The following PCDHA2 variants were observed in gnomAD, a reference collection of about 807,000 sequenced individuals.
PCDHA2 encodes the protein protocadherin alpha 2, also known as protocadherin alpha-2.
PCDHA2 carries 58 observed loss-of-function variants against 66.0 expected under a neutral mutation model. The ratio of observed to expected loss-of-function variants is 0.88; its 90% CI spans 0.71 to 1.09. The LOEUF is 1.09. PCDHA2 is among the 50% of genes least tolerant of loss of function. The pLI is 0.00. For missense variants in PCDHA2, 1,267 were observed against 1,242.3 expected (o/e 1.02, Z -0.30); for synonymous variants, 634 against 554.0 (o/e 1.14, Z -2.03).
chr5:140,802,942 C>T (rs1187038094), intron 1 of PCDHA2: 16 of 1,613,842 alleles, frequency 9.9e-6, no homozygotes, highest in African/African-American at 1.3e-5. Context: ...GAGCTGGTGC[C>T]GCGGTCAGTG....
intron 1 of PCDHA2, among the ~76,000 whole-genome samples, chr5:140,937,827 G>A (rs1328688983): frequency 2.6e-5 from 4 of 151,564 alleles, no homozygotes; most frequent in Non-Finnish European, 5.9e-5. Context: ...CAGGAGAATG[G>A]CATGAACCTG....
rs782564165 is a variant in PCDHA2, at chr5:141,010,450, G to A, written c.*513G>A. ...AAGAAAACAAAGACAAATAAACAGC[G>A]GAAGTTATCAGTATGGAGGGGAAGT... On this transcript the variant is annotated 3_prime_UTR_variant, in exon 4 of 4. Transcript: ENST00000526136. The A allele has an allele frequency of 6.5e-6, 6 of 920,764 alleles. No individual in the cohort carries two copies. The East Asian group carries it at 8.2e-5, about 13-fold the overall frequency. 57.0% of individuals were successfully genotyped at this position (920,764 alleles called of 1,614,324 possible).
intron 1 of PCDHA2, chr5:140,841,348 G>A: frequency 6.2e-7 from 1 of 1,612,736 alleles, no homozygotes; most frequent in Non-Finnish European, 8.5e-7. Context: ...GAGGAGAGCT[G>A]GGATCCTGGC....
intron 1 of PCDHA2, chr5:140,801,955 A>C: frequency 6.2e-7 from 1 of 1,614,214 alleles, no homozygotes; most frequent in South Asian, 1.1e-5. Flanking sequence ...AGATTACTCG[A>C]AAATGCACCA....
At chr5:141,003,467 A>G (rs1262411574) in intron 3 of PCDHA2, among the ~76,000 whole-genome samples, 1 of 152,036 alleles carries the variant, frequency 6.6e-6, no homozygotes, top group Non-Finnish European at 1.5e-5. Context: ...GTGCACCACC[A>G]CAGTCTCGCT....
chr5:140,928,551 G>C, intron 1 of PCDHA2: 1 of 1,614,164 alleles, frequency 6.2e-7, no homozygotes, highest in Non-Finnish European at 8.5e-7. Context: ...ACAATTATCC[G>C]GTTATCTTGT....
At chr5:140,926,708 C>T in intron 1 of PCDHA2, 2 of 896,260 alleles carry the variant, frequency 2.2e-6, no homozygotes, top group Non-Finnish European at 3.1e-6. Flanking sequence ...CCCAGCTGGC[C>T]AGCCCCGGCA....
rs140138948 is a variant in PCDHA2 at position 140,849,650 on chromosome 5, T to G, written c.2388+52298T>G. The G allele has an allele frequency of 0.022, 35,883 of 1,598,700 alleles. 3,605 individuals carry two copies. The highest frequency in any genetic ancestry group is 0.044 in the Middle Eastern group (261 of 5,946). On this transcript the variant is annotated intron_variant, in intron 1 of 3. Coordinates refer to ENST00000526136, the MANE Select transcript of PCDHA2 (RefSeq NM_018905.3). The stretch of plus-strand genomic sequence containing the variant: ...TAGACGCAGATGCCAACGGGCAGGT[T>G]ACCTGCTCCCTGACGCCCCACGTCC...
chr5:140,882,660 C>G lies in PCDHA2; in HGVS notation c.2388+85308C>G, dbSNP rs147326638. Reference sequence around the variant, plus strand: ...GTGAGGGACATTAACGACAACCCGCCCATATTCCCTGAAAGCAAGAAACGA... The same window carrying G: ...GTGAGGGACATTAACGACAACCCGCGCATATTCCCTGAAAGCAAGAAACGA... On this transcript the variant is annotated intron_variant, in intron 1 of 3. Coordinates refer to ENST00000526136, the MANE Select transcript of PCDHA2 (RefSeq NM_018905.3). 14 of 1,614,090 alleles carry G rather than the reference C, an allele frequency of 8.7e-6. No individual in the cohort carries two copies. Among genetic ancestry groups the G allele is most frequent in the African/African-American group, 1.3e-5 (1 of 74,928 alleles).
intron 1 of PCDHA2, among the ~76,000 whole-genome samples, chr5:140,832,019 T>C (rs2150199217): frequency 4.6e-5 from 7 of 152,356 alleles, no homozygotes; most frequent in Non-Finnish European, 1.0e-4. Context: ...TACGTAAAGA[T>C]TGAATTTTTG....
intron 1 of PCDHA2, among the ~76,000 whole-genome samples, chr5:140,913,939 A>G (rs1175115466): frequency 1.3e-5 from 2 of 152,116 alleles, no homozygotes. Flanking sequence ...TCAGAGAAGA[A>G]TCTTGATATG....
At chr5:140,834,797 G>A in intron 1 of PCDHA2, 3 of 1,613,022 alleles carry the variant, frequency 1.9e-6, no homozygotes, top group South Asian at 1.1e-5. Context: ...CGACACAAAG[G>A]AATCTGTTCA....
At position 140,845,557 on chromosome 5, in the gene PCDHA2, G is replaced by A. The variant is rs1355762380; in HGVS notation, c.2388+48205G>A. Reference sequence around the variant, plus strand: ...TATTCTAATTATGGTGATGCTTTTAGCTATTAAGAATTTCTGGGATTGAAA... The same window carrying A: ...TATTCTAATTATGGTGATGCTTTTAACTATTAAGAATTTCTGGGATTGAAA... On this transcript the variant is annotated intron_variant, in intron 1 of 3. Transcript: ENST00000526136. Among the ~76,000 whole-genome samples, 5 of 149,294 alleles carry A rather than the reference G, an allele frequency of 3.3e-5. 1 individual carries two copies. The highest frequency in any genetic ancestry group is 1.2e-4 in the African/African-American group (5 of 40,778).
intron 1 of PCDHA2, among the ~76,000 whole-genome samples, chr5:140,971,015 G>C (rs1425390222): frequency 6.6e-6 from 1 of 152,228 alleles, no homozygotes; most frequent in Non-Finnish European, 1.5e-5. Flanking sequence ...GAAGTCTTTA[G>C]ATCGTAGCAT....
chr5:140,922,337 T>C lies in PCDHA2; in HGVS notation c.2389-56612T>C, dbSNP rs150639608. On this transcript the variant is annotated intron_variant, in intron 1 of 3. Transcript: ENST00000526136. ...GAAGATCTTGGAAAGGGTTGGTATA[T>C]TGGTATTTTCTAGAGTAGTGATTCT... Among the ~76,000 whole-genome samples the C allele has an allele frequency of 3.4e-3, 512 of 152,346 alleles. 3 individuals carry two copies. The highest frequency in any genetic ancestry group is 0.012 in the African/African-American group (489 of 41,580).
intron 2 of PCDHA2, among the ~76,000 whole-genome samples, chr5:140,981,648 C>T (rs1294806137): frequency 6.6e-6 from 1 of 152,020 alleles, no homozygotes; most frequent in Non-Finnish European, 1.5e-5. Context: ...TCTTAGGATC[C>T]CACTTATTTC....
chr5:140,905,664 T>A (rs1456741391), intron 1 of PCDHA2, among the ~76,000 whole-genome samples: 1 of 152,246 alleles, frequency 6.6e-6, no homozygotes, highest in African/African-American at 2.4e-5. Flanking sequence ...CTGTCATCCA[T>A]TAACATGGAA....
chr5:140,936,710 A>G (rs2091103513), intron 1 of PCDHA2, among the ~76,000 whole-genome samples: 1 of 152,216 alleles, frequency 6.6e-6, no homozygotes. Flanking sequence ...TTCTTGTGCC[A>G]ATACATTCTG....
chr5:140,852,702 A>G, intron 1 of PCDHA2: 1 of 977,718 alleles, frequency 1.0e-6, no homozygotes, highest in Non-Finnish European at 1.2e-6. Context: ...ACTTTCAAGT[A>G]TCTTTGTCTT....
Sources: gnomAD v4.1 joint callset for allele counts (sites outside exome capture counted in the v4.1 genomes callset) on GRCh38, gnomAD v4.1.1 for gene constraint, MANE v1.5 for transcripts, NCBI Gene and HGNC (gene_info 2026-07-23, HGNC 2026-07-21) for gene names.